RPRD1B: variants seen among roughly 807,000 people sequenced by gnomAD.
RPRD1B encodes the protein regulation of nuclear pre-mRNA domain-containing protein 1B.
Under a neutral mutation model 41.5 loss-of-function variants are expected in RPRD1B, and 11 were observed. The ratio of observed to expected loss-of-function variants is 0.27; its 90% CI spans 0.17 to 0.44. RPRD1B has a LOEUF of 0.44. Ranked by LOEUF, RPRD1B falls within the 20% of genes least tolerant of loss-of-function variation. The pLI, the probability that RPRD1B is intolerant of heterozygous loss-of-function variation, is 1.00. For synonymous variants in RPRD1B, 158 were observed against 155.6 expected, an observed-to-expected ratio of 1.02 and a Z score of -0.12; for missense variants, 248 against 389.9, an observed-to-expected ratio of 0.64 and a Z score of 3.06.
chr20:38,084,977 G>T (rs1360676127), intron 6 of RPRD1B, among the ~76,000 whole-genome samples: 4 of 152,120 alleles, frequency 2.6e-5, no homozygotes, highest in African/African-American at 9.7e-5. Context: ...CCTATTCGGG[G>T]CCCCCCACGG....
chr20:38,063,648 A>G (rs189788594), intron 5 of RPRD1B, among the ~76,000 whole-genome samples: 4 of 152,186 alleles, frequency 2.6e-5, no homozygotes, highest in East Asian at 1.9e-4. Context: ...CTTAGGAGGG[A>G]GAGAGAGAAT....
At position 38,091,799 on chromosome 20, in the gene RPRD1B, A is replaced by G. The variant is rs771313444; in HGVS notation, c.*1924A>G. 1.0e-6 allele frequency: 1 copy of G among 985,714 alleles called. No individual in the cohort carries two copies. Among genetic ancestry groups the G allele is most frequent in the South Asian group, 4.7e-5 (1 of 21,286 alleles). The allele number at this position is 985,714 out of a possible 1,614,324, so 61.1% of individuals were successfully genotyped here. On this transcript the variant is annotated 3_prime_UTR_variant, in exon 7 of 7. Coordinates refer to ENST00000373433, the MANE Select transcript of RPRD1B (RefSeq NM_021215.4). ...ATCAACTAGATGAAAATATAGCAGA[A>G]TGGATTTAGCCCACTGCTCTGTTTT...
At chr20:38,057,081 G>A (rs961305092) in intron 3 of RPRD1B, among the ~76,000 whole-genome samples, 12 of 152,162 alleles carry the variant, frequency 7.9e-5, no homozygotes, top group Admixed American at 4.6e-4. Context: ...TAGGGGAATA[G>A]TGTAAAGAAT....
intron 1 of RPRD1B, among the ~76,000 whole-genome samples, chr20:38,036,343 A>G (rs2074003338): frequency 6.6e-6 from 1 of 152,216 alleles, no homozygotes; most frequent in South Asian, 2.1e-4. Flanking sequence ...TCATGTACTC[A>G]GTGCCTCAAT....
chr20:38,049,367 C>CTTTTTTTTT lies in RPRD1B; in HGVS notation c.415+899_415+907dup, dbSNP rs11481142. On this transcript the variant is annotated intron_variant, in intron 3 of 6. Transcript: ENST00000373433. ...TTTTTTCTTTTTTCTTTCTTTTTTT[C>CTTTTTTTTT]TTTTTTTTTTTTTTTTTTTTTGAGA... 6.8e-3 allele frequency among the ~76,000 whole-genome samples: 632 copies of CTTTTTTTTT among 93,370 alleles called. 1 individual carries two copies. Among genetic ancestry groups the CTTTTTTTTT allele is most frequent in the African/African-American group, 8.9e-3 (200 of 22,520 alleles). The allele number at this position is 93,370 out of a possible 152,430, so 61.3% of individuals were successfully genotyped here. A position where few individuals can be genotyped will look rare whatever the true frequency, so the allele number is the denominator to read the frequency against.
chr20:38,068,704 T>C (rs1277253843), intron 6 of RPRD1B, among the ~76,000 whole-genome samples: 1 of 152,228 alleles, frequency 6.6e-6, no homozygotes, highest in African/African-American at 2.4e-5. Flanking sequence ...CCACGCTTGC[T>C]AAAAATTTAG....
chr20:38,075,356 G>C (rs1244360922), intron 6 of RPRD1B, among the ~76,000 whole-genome samples: 4 of 152,200 alleles, frequency 2.6e-5, no homozygotes, highest in Non-Finnish European at 4.4e-5. Context: ...AGTTTAATTA[G>C]ACTAATGGAG....
intron 3 of RPRD1B, among the ~76,000 whole-genome samples, chr20:38,051,737 C>T (rs960107604): frequency 1.1e-4 from 17 of 152,158 alleles, no homozygotes; most frequent in Non-Finnish European, 7.3e-5. Context: ...TTCAGGCTTC[C>T]ACAGTATGAA....
Position 38,090,428 on chromosome 20 carries a change from T to G in RPRD1B, c.*553T>G. The G allele has an allele frequency of 1.0e-6, 1 of 986,106 alleles. No individual in the cohort carries two copies. The highest frequency in any genetic ancestry group is 1.2e-6 in the Non-Finnish European group (1 of 830,116). 61.1% of individuals were successfully genotyped at this position (986,106 alleles called of 1,614,324 possible). A position where few individuals can be genotyped will look rare whatever the true frequency, so the allele number is the denominator to read the frequency against. On this transcript the variant is annotated 3_prime_UTR_variant, in exon 7 of 7. Coordinates refer to ENST00000373433, the MANE Select transcript of RPRD1B (RefSeq NM_021215.4). ...ATCTCTGATCCTCCCTTTCCATTGCTTCTCCTAGTGATGCACGAAGATTAG... is the reference window on the plus strand; with the variant it reads ...ATCTCTGATCCTCCCTTTCCATTGCGTCTCCTAGTGATGCACGAAGATTAG...
At chr20:38,049,109 C>T (rs1224460136) in intron 3 of RPRD1B, among the ~76,000 whole-genome samples, 2 of 151,856 alleles carry the variant, frequency 1.3e-5, no homozygotes, top group African/African-American at 4.8e-5. Flanking sequence ...CCACAACACC[C>T]GGCTAATTTT....
chr20:38,040,728 A>G (rs545380630), intron 2 of RPRD1B, among the ~76,000 whole-genome samples, 164 bp downstream of exon 2: 75 of 152,334 alleles, frequency 4.9e-4, no homozygotes, highest in African/African-American at 1.6e-3. Flanking sequence ...CTCAAGAACT[A>G]TCGAGACATG....
At chr20:38,052,407 C>T (rs780777969) in intron 3 of RPRD1B, among the ~76,000 whole-genome samples, 12 of 152,146 alleles carry the variant, frequency 7.9e-5, no homozygotes, top group Non-Finnish European at 1.5e-4. Flanking sequence ...GATTTGGCTA[C>T]TCAGTTCAGT....
At chr20:38,043,272 A>C (rs1448890162) in intron 2 of RPRD1B, among the ~76,000 whole-genome samples, 1 of 152,216 alleles carries the variant, frequency 6.6e-6, no homozygotes, top group African/African-American at 2.4e-5. Context: ...CTTAAGGCAG[A>C]GATCATCTTG....
At chr20:38,076,906 C>CCTTTTTTTTT (rs2074466082) in intron 6 of RPRD1B, among the ~76,000 whole-genome samples, 3 of 63,512 alleles carry the variant, frequency 4.7e-5, no homozygotes, top group African/African-American at 8.0e-5. Context: ...CATTCTGGAC[C>CCTTTTTTTTT]TTTTTTTTTT....
At chr20:38,077,494 C>T (rs1451960330) in intron 6 of RPRD1B, among the ~76,000 whole-genome samples, 1 of 152,046 alleles carries the variant, frequency 6.6e-6, no homozygotes, top group Non-Finnish European at 1.5e-5. Context: ...TTTTTTTCAG[C>T]TCCCAAATCT....
At chr20:38,070,964 T>TTGG (rs2074407673) in intron 6 of RPRD1B, among the ~76,000 whole-genome samples, 3 of 152,194 alleles carry the variant, frequency 2.0e-5, no homozygotes, top group Non-Finnish European at 4.4e-5. Context: ...ACTCCTGATC[T>TTGG]CAGGTGATCC....
Position 38,033,823 on chromosome 20 carries a change from T to A in RPRD1B, c.-125T>A. On this transcript the variant is annotated 5_prime_UTR_variant, in exon 1 of 7. Coordinates refer to ENST00000373433, the MANE Select transcript of RPRD1B (RefSeq NM_021215.4). ...CATCCCCTCCCCCTTCTCGCACCCC[T>A]GGCAGTCTGTCAGTCGGTAAAAAGT... is the stretch of plus-strand genomic sequence containing the variant. 1 of 962,986 alleles carries A rather than the reference T, an allele frequency of 1.0e-6. No individual in the cohort carries two copies. The highest frequency in any genetic ancestry group is 1.5e-6 in the Non-Finnish European group (1 of 669,232). 59.7% of individuals were successfully genotyped at this position (962,986 alleles called of 1,614,324 possible). A position where few individuals can be genotyped will look rare whatever the true frequency, so the allele number is the denominator to read the frequency against.
intron 6 of RPRD1B, among the ~76,000 whole-genome samples, chr20:38,088,772 A>G (rs1170144672): frequency 6.6e-6 from 1 of 152,218 alleles, no homozygotes; most frequent in Non-Finnish European, 1.5e-5. Flanking sequence ...GCAGCTTGCT[A>G]GGGGCTCAGG....
intron 3 of RPRD1B, among the ~76,000 whole-genome samples, chr20:38,053,502 G>T (rs887678791): frequency 1.3e-5 from 2 of 152,188 alleles, no homozygotes; most frequent in African/African-American, 2.4e-5. Flanking sequence ...GGAGAAGAAC[G>T]CTTGCCAGTG....
Sources: allele counts gnomAD v4.1 joint callset (sites outside exome capture counted in the v4.1 genomes callset), GRCh38; gene constraint gnomAD v4.1.1; transcripts MANE v1.5; gene names NCBI Gene and HGNC (gene_info 2026-07-23, HGNC 2026-07-21).